HECTD3: variants seen among roughly 807,000 people sequenced by gnomAD.
The protein encoded by HECTD3 is E3 ubiquitin-protein ligase HECTD3.
HECTD3 carries 72 observed loss-of-function variants against 109.3 expected under a neutral mutation model. That is an observed-to-expected ratio of 0.66 (90% CI 0.54 to 0.80). HECTD3 has a LOEUF of 0.80. Among genes scored for constraint, HECTD3 ranks in the 30% least tolerant of loss-of-function variants. HECTD3 has a pLI of 0.00. For synonymous variants in HECTD3, 481 were observed against 471.8 expected, an observed-to-expected ratio of 1.02 and a Z score of -0.25; for missense variants, 1,041 against 1,165.2, an observed-to-expected ratio of 0.89 and a Z score of 1.55.
At chr1:45,009,804 T>G (rs1644768439) in intron 4 of HECTD3, 121 bp from the exon 5 acceptor site, 5 of 1,058,026 alleles carry the variant, frequency 4.7e-6, no homozygotes, top group Non-Finnish European at 7.0e-6. Flanking sequence ...GCAACTGGTA[T>G]GGGATAGGGG....
At chr1:45,007,190 CGAGT>C (rs1644743891) in intron 11 of HECTD3, 25 bp downstream of exon 11, 1 of 1,593,346 alleles carries the variant, frequency 6.3e-7, no homozygotes, top group South Asian at 1.1e-5. Flanking sequence ...ACAGGTGTCC[CGAGT>C]AAGTCCCTCA....
chr1:45,006,735 T>A lies in HECTD3; in HGVS notation c.1682A>T (p.Asp561Val), dbSNP rs1644739382. Residue 561 changes from aspartate (D) to valine (V), a missense_variant, in exon 13 of 21, where the codon GAT becomes GTT. Physicochemically the swap from Asp to Val is radical, Grantham distance 152. Coordinates refer to ENST00000372172, the MANE Select transcript of HECTD3 (RefSeq NM_024602.6). The surrounding 1 kb of genome is among the most constrained non-coding windows in gnomAD (Gnocchi z 4.7). Reference protein sequence around the residue: ...MSEELCPSSADTPVPLPFFVR... With the variant: ...MSEELCPSSAVTPVPLPFFVR... ...AAAGAAGGGCAGGGGCACGGGGGTA[T>A]CCGCTGAGCTAGGGCACAGCTCTTC... 6.2e-7 allele frequency: 1 copy of A among 1,613,576 alleles called. No individual in the cohort carries two copies. The highest frequency in any genetic ancestry group is 1.7e-5 in the Admixed American group (1 of 59,912).
chr1:45,004,322 A>T lies in HECTD3; in HGVS notation c.2198T>A (p.Leu733Ter). The change falls in exon 17 of 21, where the codon TTG (leucine) becomes TAG (stop). Residue 733 changes from leucine (L) to a stop codon, truncating the protein, a stop_gained. Coordinates refer to ENST00000372172, the MANE Select transcript of HECTD3 (RefSeq NM_024602.6). LOFTEE classifies it high-confidence loss of function. ...CTTCTCCAACTCTTGCCAGGTCAGC[A>T]AGTCCAGCACAGCCTGTGGTACCAC... The part of the protein sequence containing the change: ...LKVVPQAVLD[L>*]LTWQELEKKV... 2.5e-6 allele frequency: 4 copies of T among 1,614,056 alleles called. No individual in the cohort carries two copies. Among genetic ancestry groups the T allele is most frequent in the Non-Finnish European group, 3.4e-6 (4 of 1,179,924 alleles).
chr1:45,010,397 C>A (rs7533668), intron 2 of HECTD3, 104 bp from the exon 3 acceptor site: 1,447,411 of 1,459,210 alleles, frequency 0.99, 717,900 homozygotes, highest in South Asian at 1. Context: ...CCCAGTCTCC[C>A]TCCGAGCCCC....
Position 45,011,218 on chromosome 1 carries a change from G to C in HECTD3, c.40C>G (p.Arg14Gly), listed in dbSNP as rs936491361. The part of the protein sequence containing the change: ...PGPGAVLESP[R>G]QLLGRVRFLA... ...AAGCGCACGCGGCCCAGCAGCTGCCGGGGGGACTCCAGCACCGCGCCCGGG... is the reference window on the plus strand; with the variant it reads ...AAGCGCACGCGGCCCAGCAGCTGCCCGGGGGACTCCAGCACCGCGCCCGGG... Residue 14 changes from arginine (R) to glycine (G), a missense_variant, in exon 1 of 21, where the codon CGG becomes GGG. Around this residue, in one of 2 missense-constraint regions of HECTD3, gnomAD observed 472 missense variants for 449.9 expected, o/e 1.05. Coordinates refer to ENST00000372172, the MANE Select transcript of HECTD3 (RefSeq NM_024602.6). 2 of 1,423,034 alleles carry C rather than the reference G, an allele frequency of 1.4e-6. No individual in the cohort carries two copies. The highest frequency in any genetic ancestry group is 1.8e-6 in the Non-Finnish European group (2 of 1,096,514). 88.2% of individuals were successfully genotyped at this position (1,423,034 alleles called of 1,614,324 possible).
Position 45,003,725 on chromosome 1 carries a change from G to T in HECTD3, c.2445C>A (p.Asp815Glu). 1.2e-6 allele frequency: 2 copies of T among 1,614,070 alleles called. No individual in the cohort carries two copies. The highest frequency in any genetic ancestry group is 1.7e-6 in the Non-Finnish European group (2 of 1,180,000). The change falls in exon 20 of 21, where the codon GAC becomes GAA. Residue 815 changes from aspartate (D) to glutamate (E), a missense_variant. Transcript: ENST00000372172. This position sits in a 1 kb window ranked among gnomAD's most constrained non-coding sequence, Gnocchi z 4.7. The stretch of plus-strand genomic sequence containing the variant: ...AGCAAGTGGAAGACTCGGGCAGCGC[G>T]TCTGTGGTCTCGTAGCTGGGGGCAT... ...YPDKLGYETT[D>E]ALPESSTCSS...
chr1:45,003,184 C>A lies in HECTD3; in HGVS notation c.*308G>T, dbSNP rs755798239. On this transcript the variant is annotated 3_prime_UTR_variant, in exon 21 of 21. Transcript: ENST00000372172. The surrounding 1 kb of genome is among the most constrained non-coding windows in gnomAD (Gnocchi z 4.7). Reference sequence around the variant, plus strand: ...GAGGCAAAGTCCATGGGTTGGGGACCTAGATGGCCCCCTTCAAGTAGCTCA... The same window carrying A: ...GAGGCAAAGTCCATGGGTTGGGGACATAGATGGCCCCCTTCAAGTAGCTCA... The A allele has an allele frequency of 1.1e-5, 4 of 378,234 alleles. No individual in the cohort carries two copies. The highest frequency in any genetic ancestry group is 2.0e-5 in the Non-Finnish European group (4 of 203,014). 23.4% of individuals were successfully genotyped at this position (378,234 alleles called of 1,614,324 possible). A position where few individuals can be genotyped will look rare whatever the true frequency, so the allele number is the denominator to read the frequency against.
In HECTD3 at chr1:45,008,650, T is replaced by C. The variant is rs1055213317; in HGVS notation, c.1124A>G (p.Gln375Arg). 5.6e-6 allele frequency: 9 copies of C among 1,614,002 alleles called. No homozygotes were observed. The highest frequency in any genetic ancestry group is 2.7e-5 in the African/African-American group (2 of 75,042). ...GTCTGCATTCAACCCTAGTTCCCGC[T>C]GTCTAGATGACTTGATCTTGACCCC... ...LRGVKIKSSR[Q>R]RELGLNADLF... The change falls in exon 8 of 21, where the codon CAG becomes CGG. Residue 375 changes from glutamine (Q) to arginine (R), a missense_variant. Physicochemically the swap from Gln to Arg is conservative, Grantham distance 43. This residue lies in a region of HECTD3 where 569 missense variants were observed against 715.3 expected (regional missense o/e 0.80). Transcript: ENST00000372172.
At chr1:45,007,725 C>T in intron 9 of HECTD3, 130 bp from the exon 10 acceptor site, 1 of 725,106 alleles carries the variant, frequency 1.4e-6, no homozygotes, top group South Asian at 1.9e-5. Context: ...CTGTCTTTGT[C>T]TCCAGTCCCC....
chr1:45,003,864 T>G lies in HECTD3; in HGVS notation c.2420A>C (p.Asp807Ala), dbSNP rs755372889. Residue 807 changes from aspartate (D) to alanine (A), a missense_variant, in exon 19 of 21, where the codon GAC becomes GCC. Physicochemically the swap from Asp to Ala is moderately radical, Grantham distance 126. Around this residue, in one of 2 missense-constraint regions of HECTD3, gnomAD observed 569 missense variants for 715.3 expected, o/e 0.80. Coordinates refer to ENST00000372172, the MANE Select transcript of HECTD3 (RefSeq NM_024602.6). This position sits in a 1 kb window ranked among gnomAD's most constrained non-coding sequence, Gnocchi z 4.7. ...TCCCTCCAGCACTCACCCCAGCTTG[T>G]CTGGGTAGATGTAGATCCGTGCTGG... ...RLPARIYIYP[D>A]KLGYETTDAL... 3.1e-6 allele frequency: 5 copies of G among 1,613,102 alleles called. No individual in the cohort carries two copies. Among genetic ancestry groups the G allele is most frequent in the Non-Finnish European group, 3.4e-6 (4 of 1,179,430 alleles).
At position 45,004,771 on chromosome 1, in the gene HECTD3, C is replaced by T. The variant is rs200966766; in HGVS notation, c.1971G>A (p.Lys657=). 1.2e-6 allele frequency: 2 copies of T among 1,614,198 alleles called. No homozygotes were observed. Among genetic ancestry groups the T allele is most frequent in the Non-Finnish European group, 8.5e-7 (1 of 1,180,026 alleles). Residue 657 remains lysine (K), a synonymous_variant, in exon 16 of 21, where the codon AAG becomes AAA. Coordinates refer to ENST00000372172, the MANE Select transcript of HECTD3 (RefSeq NM_024602.6). ...KLLEVMEGMD[K]ETFEFKFGKE... Reference sequence around the variant, plus strand: ...TCCCAAACTTGAACTCAAACGTCTCCTTGTCCATTCCTTCCATCACTTCCA... The same window carrying T: ...TCCCAAACTTGAACTCAAACGTCTCTTTGTCCATTCCTTCCATCACTTCCA...
rs965902178 is a variant in HECTD3 at position 45,010,476 on chromosome 1, G to A, written c.530+70C>T. ...CAGTATCCCACCCACCCCAGGCTGTGGCTGAAGTGTTCCCAAGCCCTCCTG... is the reference window on the plus strand; with the variant it reads ...CAGTATCCCACCCACCCCAGGCTGTAGCTGAAGTGTTCCCAAGCCCTCCTG... On this transcript the variant is annotated intron_variant, in intron 2 of 20. Coordinates refer to ENST00000372172, the MANE Select transcript of HECTD3 (RefSeq NM_024602.6). 10 of 1,590,348 alleles carry A rather than the reference G, an allele frequency of 6.3e-6. No individual in the cohort carries two copies. The African/African-American group carries it at 1.3e-4, about 21-fold the overall frequency.
rs1377769926 is a variant in HECTD3, at chr1:45,010,097, G to A, written c.648C>T (p.Tyr216=). ...AGTGGATCAGGTCCTCGTCGCACTC[G>A]TAGGTCCATGTCGGGGGTACATAGC... is the stretch of plus-strand genomic sequence containing the variant. ...RLLYVPPTWT[Y]ECDEDLIHFL... is the part of the protein sequence containing the mutation. Residue 216 remains tyrosine (Y), a synonymous_variant, in exon 4 of 21, where the codon TAC becomes TAT. Coordinates refer to ENST00000372172, the MANE Select transcript of HECTD3 (RefSeq NM_024602.6). 2 of 1,603,064 alleles carry A rather than the reference G, an allele frequency of 1.2e-6. No individual in the cohort carries two copies. The highest frequency in any genetic ancestry group is 1.7e-6 in the Non-Finnish European group (2 of 1,172,078).
At position 45,003,640 on chromosome 1, in the gene HECTD3, C is replaced by T. The variant is rs900224774; in HGVS notation, c.2501+29G>A. 1.2e-6 allele frequency: 2 copies of T among 1,613,524 alleles called. No homozygotes were observed. Among genetic ancestry groups the T allele is most frequent in the Non-Finnish European group, 8.5e-7 (1 of 1,179,462 alleles). On this transcript the variant is annotated intron_variant, in intron 20 of 20. Coordinates refer to ENST00000372172, the MANE Select transcript of HECTD3 (RefSeq NM_024602.6). The surrounding 1 kb of genome is among the most constrained non-coding windows in gnomAD (Gnocchi z 4.7). ...ACCAGGGGTGATGGGGTCCCCTGGG[C>T]CCCAAATCGAGCCTAGGAAAAAACC...
At chr1:45,008,397 C>A in intron 8 of HECTD3, 76 bp from the exon 9 acceptor site, 2 of 1,487,506 alleles carry the variant, frequency 1.3e-6, no homozygotes, top group Admixed American at 1.7e-5. Context: ...CATAAAGGGA[C>A]AGGAAAAGGC....
At chr1:45,010,358 G>A (rs1372151714) in intron 2 of HECTD3, 65 bp from the exon 3 acceptor site, 1 of 1,510,166 alleles carries the variant, frequency 6.6e-7, no homozygotes, top group African/African-American at 1.4e-5. Context: ...CTACCTCCAT[G>A]CCGTGTAGCC....
rs775838807 is a variant in HECTD3 at position 45,006,783 on chromosome 1, C to T, written c.1634G>A (p.Arg545Gln). The T allele has an allele frequency of 3.1e-6, 5 of 1,612,682 alleles. No homozygotes were observed. The highest frequency in any genetic ancestry group is 4.2e-6 in the Non-Finnish European group (5 of 1,179,180). Residue 545 changes from arginine to glutamine, a missense_variant, in exon 13 of 21, where the codon CGG becomes CAG. Coordinates refer to ENST00000372172, the MANE Select transcript of HECTD3 (RefSeq NM_024602.6). The surrounding 1 kb of genome is among the most constrained non-coding windows in gnomAD (Gnocchi z 4.7). ...TTCTGACATATCTGCCAGGCTGTCCCGGAAACCACCCCCTGAAATGACAGA... is the reference window on the plus strand; with the variant it reads ...TTCTGACATATCTGCCAGGCTGTCCTGGAAACCACCCCCTGAAATGACAGA... Reference protein sequence around the residue: ...EGIIDQGGGFRDSLADMSEEL... With the variant: ...EGIIDQGGGFQDSLADMSEEL...
At position 45,003,455 on chromosome 1, in the gene HECTD3, C is replaced by T. The variant is rs184021803; in HGVS notation, c.*37G>A. ...GCCCTGGGCAAGGCCAAGAGGGACA[C>T]GTGCAGTCTTGCTGGTCCCACAGCC... On this transcript the variant is annotated 3_prime_UTR_variant, in exon 21 of 21. Transcript: ENST00000372172. This position sits in a 1 kb window ranked among gnomAD's most constrained non-coding sequence, Gnocchi z 4.7. 35 of 1,583,448 alleles carry T rather than the reference C, an allele frequency of 2.2e-5. No homozygotes were observed. In the Admixed American group the frequency reaches 3.5e-4, roughly 16 times the overall value.
chr1:45,009,905 G>T, intron 4 of HECTD3, 81 bp downstream of exon 4: 1 of 1,490,268 alleles, frequency 6.7e-7, no homozygotes. Context: ...GTCCTGGCCT[G>T]CAGGTGGGGG....
Sources: gnomAD v4.1 joint callset for allele counts on GRCh38, gnomAD v4.1.1 for gene constraint, gnomAD v4.1.1 regional missense constraint, Gnocchi (gnomAD v3.1) non-coding constraint, MANE v1.5 for transcripts, NCBI Gene and HGNC (gene_info 2026-07-23, HGNC 2026-07-21) for gene names.